Variants in SOX5 observed in about 807,000 individuals in gnomAD.
The protein encoded by SOX5 is SRY-box transcription factor 5.
SOX5 carries 9 observed loss-of-function variants against 92.0 expected under a neutral mutation model. The observed-to-expected ratio is 0.10, with a 90% CI of 0.06 to 0.17. The LOEUF is 0.17. Among genes scored for constraint, SOX5 ranks in the 10% least tolerant of loss-of-function variants. The pLI is 1.00. For synonymous variants in SOX5, 344 were observed against 336.3 expected (o/e 1.02, Z -0.25); for missense variants, 642 against 944.5 (o/e 0.68, Z 4.20).
intron 1 of SOX5, among the ~76,000 whole-genome samples, chr12:24,380,516 A>T (rs758747350): frequency 3.0e-4 from 45 of 152,236 alleles, no homozygotes; most frequent in Non-Finnish European, 4.6e-4. Context: ...GTGAAGAAGC[A>T]CATTTGTAAT....
intron 1 of SOX5, among the ~76,000 whole-genome samples, chr12:23,915,248 G>A (rs1326354782): frequency 6.6e-6 from 1 of 152,196 alleles, no homozygotes; most frequent in East Asian, 1.9e-4. Context: ...TATTATTGCT[G>A]TTGTTCTTTG....
At chr12:23,758,938 C>T (rs2094485059) in intron 3 of SOX5, among the ~76,000 whole-genome samples, 1 of 151,538 alleles carries the variant, frequency 6.6e-6, no homozygotes, top group Admixed American at 6.6e-5. Flanking sequence ...TCTCAGTCTC[C>T]AGAACTGTGA....
chr12:24,065,920 C>G (rs1272635793), intron 4 of SOX5, among the ~76,000 whole-genome samples: 1 of 152,108 alleles, frequency 6.6e-6, no homozygotes, highest in Admixed American at 6.5e-5. Flanking sequence ...GGTGAGGACA[C>G]AGTTAACTTC....
chr12:24,458,245 T>C (rs374158771), intron 1 of SOX5, among the ~76,000 whole-genome samples: 55 of 152,340 alleles, frequency 3.6e-4, no homozygotes, highest in African/African-American at 1.1e-3. Flanking sequence ...TAAATGTTTA[T>C]TTGTGGACTA....
intron 4 of SOX5, among the ~76,000 whole-genome samples, chr12:24,211,645 G>T (rs550573104): frequency 2.0e-4 from 31 of 152,212 alleles, no homozygotes; most frequent in Non-Finnish European, 3.7e-4. Flanking sequence ...AATGATTTGT[G>T]TTCCATAACC....
chr12:24,540,685 G>A (rs191088220), intron 1 of SOX5, among the ~76,000 whole-genome samples: 1 of 152,292 alleles, frequency 6.6e-6, no homozygotes, highest in Non-Finnish European at 1.5e-5. Flanking sequence ...AATTTCGAGA[G>A]AGGAAGTTTT....
intron 1 of SOX5, among the ~76,000 whole-genome samples, chr12:23,913,552 A>G (rs1367557963): frequency 6.6e-6 from 1 of 152,040 alleles, no homozygotes; most frequent in Non-Finnish European, 1.5e-5. Context: ...CCTGGCCAAC[A>G]TGGTGAAACC....
intron 3 of SOX5, among the ~76,000 whole-genome samples, chr12:24,262,243 T>A (rs879582599): frequency 4.2e-4 from 64 of 152,152 alleles, no homozygotes; most frequent in Non-Finnish European, 6.5e-4. Flanking sequence ...GGACTCTTTC[T>A]TACAGCAGCC....
intron 4 of SOX5, among the ~76,000 whole-genome samples, chr12:24,074,288 T>G (rs1942195441): frequency 6.6e-6 from 1 of 151,908 alleles, no homozygotes; most frequent in Non-Finnish European, 1.5e-5. Flanking sequence ...AGACCACAAA[T>G]GACACCAAAT....
chr12:24,425,225 T>A (rs981853167), intron 1 of SOX5, among the ~76,000 whole-genome samples: 2 of 152,220 alleles, frequency 1.3e-5, no homozygotes, highest in Non-Finnish European at 1.5e-5. Context: ...TTCGTGATGT[T>A]ATCTCTCTAT....
chr12:24,401,708 T>TAAAAAAAAAAAAAAAAAAAAAAAAAAA (rs71063321), intron 1 of SOX5, among the ~76,000 whole-genome samples: 1 of 99,462 alleles, frequency 1.0e-5, no homozygotes, highest in African/African-American at 3.9e-5. Flanking sequence ...ACCCTATCTT[T>TAAAAAAAAAAAAAAAAAAAAAAAAAAA]AAAAAAAAAA....
intron 4 of SOX5, among the ~76,000 whole-genome samples, chr12:24,179,046 T>A (rs1020490392): frequency 5.9e-5 from 9 of 152,158 alleles, no homozygotes; most frequent in African/African-American, 1.9e-4. Flanking sequence ...AAATGGTTGG[T>A]CACATAAAAA....
intron 2 of SOX5, among the ~76,000 whole-genome samples, chr12:24,363,297 T>C (rs1955803439): frequency 6.6e-6 from 1 of 152,134 alleles, no homozygotes; most frequent in Non-Finnish European, 1.5e-5. Context: ...TATTTAATAG[T>C]TTCGCCTTCC....
intron 4 of SOX5, among the ~76,000 whole-genome samples, chr12:24,037,900 T>C (rs1238636409): frequency 6.6e-6 from 1 of 152,160 alleles, no homozygotes; most frequent in East Asian, 1.9e-4. Flanking sequence ...TGCAATTTTT[T>C]ACACAGAACA....
intron 3 of SOX5, among the ~76,000 whole-genome samples, chr12:23,841,937 T>G (rs368980895): frequency 6.6e-6 from 1 of 150,536 alleles, no homozygotes; most frequent in African/African-American, 2.4e-5. Context: ...CATATAAATG[T>G]ATAATACAAC....
At chr12:23,641,653 A>G (rs2138749537) in intron 7 of SOX5, among the ~76,000 whole-genome samples, 1 of 152,244 alleles carries the variant, frequency 6.6e-6, no homozygotes. Context: ...TATTCTGCTT[A>G]TTTTTTATGA....
chr12:24,364,595 C>T (rs1955979229), intron 2 of SOX5, among the ~76,000 whole-genome samples: 1 of 143,648 alleles, frequency 7.0e-6, no homozygotes, highest in African/African-American at 2.6e-5. Flanking sequence ...ATTCACTTTT[C>T]CTCCAAACTC....
chr12:23,698,353 C>T (rs1382632805), intron 6 of SOX5, among the ~76,000 whole-genome samples: 1 of 152,104 alleles, frequency 6.6e-6, no homozygotes, highest in African/African-American at 2.4e-5. Flanking sequence ...TTCCTTCACC[C>T]CACTTCACTG....
chr12:23,949,326 A>C (rs1379421881), intron 1 of SOX5, among the ~76,000 whole-genome samples: 1 of 152,192 alleles, frequency 6.6e-6, no homozygotes, highest in Non-Finnish European at 1.5e-5. Flanking sequence ...AGGTTCATTT[A>C]ATTTGCTGTT....
Sources: allele counts gnomAD v4.1 joint callset (sites outside exome capture counted in the v4.1 genomes callset), GRCh38; gene constraint gnomAD v4.1.1; transcripts MANE v1.5; gene names NCBI Gene and HGNC (gene_info 2026-07-23, HGNC 2026-07-21).